Variants in TENM3 observed in about 807,000 individuals in gnomAD.
TENM3 encodes teneurin transmembrane protein 3, also known as teneurin-3.
A neutral mutation model predicts 255.1 loss-of-function variants in TENM3; 63 were observed. The observed-to-expected ratio is 0.25, with a 90% CI of 0.20 to 0.30. TENM3 has a LOEUF of 0.30. TENM3 is among the 10% of genes least tolerant of loss of function. The pLI is 1.00. For missense variants in TENM3, 2,929 were observed against 3,461.1 expected (o/e 0.85, Z 3.86); for synonymous variants, 1,306 against 1,322.3 (o/e 0.99, Z 0.27).
chr4:181,680,342 T>C, the TENM3 span, among the ~76,000 whole-genome samples: 9 of 152,132 alleles, frequency 5.9e-5, no homozygotes, highest in Non-Finnish European at 1.2e-4. Flanking sequence ...GAATATCCAA[T>C]ATTTAAGTCA....
chr4:182,596,568 G>A (rs1303665623), intron 3 of TENM3, among the ~76,000 whole-genome samples: 2 of 152,184 alleles, frequency 1.3e-5, no homozygotes, highest in Non-Finnish European at 2.9e-5. Flanking sequence ...ATAGAAAGAT[G>A]GAGGAAAATG....
chr4:182,078,459 T>A, the TENM3 span, among the ~76,000 whole-genome samples: 1 of 151,982 alleles, frequency 6.6e-6, no homozygotes, highest in East Asian at 1.9e-4. Flanking sequence ...GAGGTGGAGA[T>A]TGCAGTGAGC....
chr4:182,614,394 C>T (rs1173115605), intron 4 of TENM3, among the ~76,000 whole-genome samples: 1 of 151,978 alleles, frequency 6.6e-6, no homozygotes, highest in Non-Finnish European at 1.5e-5. Flanking sequence ...TACTTATCTG[C>T]CTTTCCTAGA....
chr4:182,080,430 A>G, the TENM3 span, among the ~76,000 whole-genome samples: 3 of 152,218 alleles, frequency 2.0e-5, no homozygotes, highest in African/African-American at 7.2e-5. Context: ...AAACAGGTGT[A>G]GAAAGGACTT....
At position 182,688,158 on chromosome 4, in the gene TENM3, C is replaced by A; in HGVS notation, c.2036-8C>A. ...TCTCCTGTTTTGTGTCCTCTTCCTC[C>A]CACATAGAAATATGTTCTGTGGACT... On this transcript the variant is annotated splice_region_variant and splice_polypyrimidine_tract_variant and intron_variant, in intron 11 of 27. Transcript: ENST00000511685. 6.3e-7 allele frequency: 1 copy of A among 1,581,152 alleles called. No individual in the cohort carries two copies. The highest frequency in any genetic ancestry group is 1.1e-5 in the South Asian group (1 of 87,582).
Position 182,324,123 on chromosome 4 carries a change from G to T in TENM3, c.103G>T (p.Val35Leu). 1 of 1,613,972 alleles carries T rather than the reference G, an allele frequency of 6.2e-7. No individual in the cohort carries two copies. Among genetic ancestry groups the T allele is most frequent in the Non-Finnish European group, 8.5e-7 (1 of 1,179,886 alleles). ...NSSADNEECRVPTQKSYSSSE... is the reference protein window; with the variant it reads ...NSSADNEECRLPTQKSYSSSE... ...CTCCGCAGACAATGAGGAGTGCCGG[G>T]TACCCACACAGAAGTCCTACAGTTC... The change falls in exon 2 of 28, where the codon GTA (valine) becomes TTA (leucine). Residue 35 changes from valine to leucine, a missense_variant. Physicochemically the swap from Val to Leu is conservative, Grantham distance 32 (BLOSUM62 1). Transcript: ENST00000511685.
At chr4:182,749,467 CAT>C (rs1273152145) in intron 19 of TENM3, among the ~76,000 whole-genome samples, 1 of 152,104 alleles carries the variant, frequency 6.6e-6, no homozygotes, top group African/African-American at 2.4e-5. Flanking sequence ...AGGCAAAAGA[CAT>C]TGCACTGTAG....
At chr4:181,671,864 T>A in the TENM3 span, among the ~76,000 whole-genome samples, 1 of 152,110 alleles carries the variant, frequency 6.6e-6, no homozygotes, top group Non-Finnish European at 1.5e-5. Flanking sequence ...ACAGGGACAG[T>A]CATCAGCCTG....
At position 182,145,711 on chromosome 4, in the gene TENM3, G is replaced by T. The variant is rs145715672; in HGVS notation, c.-76+957G>T. Among the ~76,000 whole-genome samples the T allele has an allele frequency of 5.3e-3, 805 of 152,324 alleles. 25 individuals carry two copies. Among genetic ancestry groups the T allele is most frequent in the Admixed American group, 0.044 (680 of 15,302 alleles). ...AAAGTTTCCAGGTACGTGTGAGGAGGTGCAATGGAAATGAAAGGCTGAGAG... is the reference window on the plus strand; with the variant it reads ...AAAGTTTCCAGGTACGTGTGAGGAGTTGCAATGGAAATGAAAGGCTGAGAG... On this transcript the variant is annotated intron_variant, in intron 1 of 2. Coordinates refer to the TENM3 transcript ENST00000512480.
At chr4:181,480,978 A>G in the TENM3 span, among the ~76,000 whole-genome samples, 1 of 151,646 alleles carries the variant, frequency 6.6e-6, no homozygotes, top group African/African-American at 2.4e-5. Flanking sequence ...GAATATGGAG[A>G]TTTCTCATAC....
Position 182,730,888 on chromosome 4 carries a change from G to T in TENM3, c.2716G>T (p.Val906Leu), listed in dbSNP as rs150252120. The change falls in exon 16 of 28, where the codon GTG (valine) becomes TTG (leucine). Residue 906 changes from valine to leucine, a missense_variant. This residue lies in a region of TENM3 where 1,608 missense variants were observed against 1,884.4 expected (regional missense o/e 0.85). Transcript: ENST00000511685. Reference sequence around the variant, plus strand: ...CTTGTTCTTTCTTAGGTTTGACTTGGTGGCAAATGGTGGGGCCTCTCTAAC... The same window carrying T: ...CTTGTTCTTTCTTAGGTTTGACTTGTTGGCAAATGGTGGGGCCTCTCTAAC... ...ITRQDGMFDL[V>L]ANGGASLTLV... 21 of 1,613,764 alleles carry T rather than the reference G, an allele frequency of 1.3e-5. No homozygotes were observed. In the African/African-American group the frequency reaches 2.3e-4, roughly 17 times the overall value.
the TENM3 span, among the ~76,000 whole-genome samples, chr4:181,516,551 C>T: frequency 7.9e-5 from 12 of 151,842 alleles, no homozygotes; most frequent in Admixed American, 3.3e-4. Context: ...GAGGCCGAGG[C>T]GGGCAGATCA....
the TENM3 span, among the ~76,000 whole-genome samples, chr4:181,783,465 G>A: frequency 6.6e-6 from 1 of 151,942 alleles, no homozygotes; most frequent in Non-Finnish European, 1.5e-5. Context: ...AAATCTGCTT[G>A]AAAAATTTCT....
the TENM3 span, among the ~76,000 whole-genome samples, chr4:181,773,264 C>T: frequency 6.6e-6 from 1 of 152,138 alleles, no homozygotes; most frequent in Non-Finnish European, 1.5e-5. Flanking sequence ...TTTCTCTTTA[C>T]TTTGTAGAGA....
the TENM3 span, among the ~76,000 whole-genome samples, chr4:181,751,777 G>C: frequency 6.6e-6 from 1 of 152,228 alleles, no homozygotes; most frequent in Admixed American, 6.5e-5. Context: ...ACGTAAATTA[G>C]TTGGTATCAC....
At chr4:181,868,407 G>A in the TENM3 span, among the ~76,000 whole-genome samples, 3 of 152,052 alleles carry the variant, frequency 2.0e-5, no homozygotes, top group Non-Finnish European at 2.9e-5. Context: ...AAATGAACAA[G>A]AAGGCCAAGT....
At chr4:181,581,334 G>A in the TENM3 span, among the ~76,000 whole-genome samples, 1 of 152,006 alleles carries the variant, frequency 6.6e-6, no homozygotes, top group Non-Finnish European at 1.5e-5. Flanking sequence ...CCAGCTACTC[G>A]GGAGGCTGAG....
chr4:181,528,040 C>A, the TENM3 span, among the ~76,000 whole-genome samples: 17 of 151,800 alleles, frequency 1.1e-4, no homozygotes, highest in Non-Finnish European at 2.1e-4. Flanking sequence ...GGATAAAATT[C>A]TCTGTGTAAG....
At chr4:181,710,723 C>T in the TENM3 span, among the ~76,000 whole-genome samples, 1 of 151,894 alleles carries the variant, frequency 6.6e-6, no homozygotes, top group Non-Finnish European at 1.5e-5. Context: ...TCCATCTCTT[C>T]CTTTTTGTGA....
Sources: gnomAD v4.1 joint callset for allele counts (sites outside exome capture counted in the v4.1 genomes callset) on GRCh38, gnomAD v4.1.1 for gene constraint, gnomAD v4.1.1 regional missense constraint, MANE v1.5 for transcripts, NCBI Gene and HGNC (gene_info 2026-07-23, HGNC 2026-07-21) for gene names.